The following ST6GAL2 variants were observed in gnomAD, a reference collection of about 807,000 sequenced individuals.
ST6GAL2 encodes the protein ST6 beta-galactoside alpha-2,6-sialyltransferase 2, also known as beta-galactoside alpha-2,6-sialyltransferase 2.
In ST6GAL2, 24 loss-of-function variants were observed where a neutral mutation model predicts 37.5. The ratio of observed to expected loss-of-function variants is 0.64; its 90% CI spans 0.46 to 0.90. The LOEUF is 0.90. Ranked by LOEUF, ST6GAL2 falls within the 40% of genes least tolerant of loss-of-function variation. The probability of loss-of-function intolerance (pLI) is 0.00; values close to 1 mark genes in which losing one functional copy is unlikely to be tolerated. For synonymous variants in ST6GAL2, 306 were observed against 295.1 expected (o/e 1.04, Z -0.38); for missense variants, 715 against 712.7 (o/e 1.00, Z -0.04).
At chr2:106,820,330 C>T (rs889195083) in intron 5 of ST6GAL2, among the ~76,000 whole-genome samples, 12 of 151,908 alleles carry the variant, frequency 7.9e-5, no homozygotes, top group Non-Finnish European at 1.5e-4. Flanking sequence ...GGTAGCTACA[C>T]TTGTATCAGA....
rs968110019 is a variant in ST6GAL2, at chr2:106,884,922, TATATATATATATACATAC to T, written c.-58+1153_-58+1170del. Among the ~76,000 whole-genome samples, 7 of 120,880 alleles carry T rather than the reference TATATATATATATACATAC, an allele frequency of 5.8e-5. 1 individual carries two copies. The highest frequency in any genetic ancestry group is 8.3e-5 in the Non-Finnish European group (5 of 60,190). 79.3% of individuals were successfully genotyped at this position (120,880 alleles called of 152,430 possible). A position where few individuals can be genotyped will look rare whatever the true frequency, so the allele number is the denominator to read the frequency against. On this transcript the variant is annotated intron_variant, in intron 1 of 5. Transcript: ENST00000409382. ...TTTGCAGCGCATATATATATATATA[TATATATATATATACATAC>T]ACACACACACATATATACATATGTG...
intron 1 of ST6GAL2, among the ~76,000 whole-genome samples, chr2:106,878,892 C>T (rs758923966): frequency 4.6e-5 from 7 of 152,096 alleles, no homozygotes; most frequent in Non-Finnish European, 7.4e-5. Flanking sequence ...TGAGCTAATT[C>T]GGGCAATTGA....
chr2:106,850,992 A>T (rs887467644), intron 1 of ST6GAL2, among the ~76,000 whole-genome samples: 1 of 152,150 alleles, frequency 6.6e-6, no homozygotes, highest in Admixed American at 6.5e-5. Context: ...TGCTTTGTCT[A>T]CGATGGTTTA....
In ST6GAL2 at chr2:106,832,696, G is replaced by A. The variant is rs750082771; in HGVS notation, c.1042-30C>T. On this transcript the variant is annotated intron_variant, in intron 3 of 5. Coordinates refer to ENST00000409382, the MANE Select transcript of ST6GAL2 (RefSeq NM_001142351.2). ...AAACACACAGAAAAACCATTTCAAA[G>A]CCAGGGTTTGGTTTTTAAAAATTGC... 4 of 1,432,244 alleles carry A rather than the reference G, an allele frequency of 2.8e-6. No individual in the cohort carries two copies. The African/African-American group carries it at 4.2e-5, about 15-fold the overall frequency. The allele number at this position is 1,432,244 out of a possible 1,614,324, so 88.7% of individuals were successfully genotyped here.
At chr2:106,835,233 C>A (rs181256060) in intron 2 of ST6GAL2, among the ~76,000 whole-genome samples, 1 of 152,300 alleles carries the variant, frequency 6.6e-6, no homozygotes, top group Non-Finnish European at 1.5e-5. Context: ...AAGGACAGTG[C>A]CTGTCTGTGA....
intron 1 of ST6GAL2, among the ~76,000 whole-genome samples, chr2:106,867,707 C>T (rs1180564634): frequency 2.0e-5 from 3 of 152,020 alleles, no homozygotes; most frequent in Admixed American, 6.6e-5. Flanking sequence ...CACCCCCAGC[C>T]CGACCCCCGC....
At chr2:106,852,625 G>C (rs1189788744) in intron 1 of ST6GAL2, among the ~76,000 whole-genome samples, 1 of 152,196 alleles carries the variant, frequency 6.6e-6, no homozygotes, top group Non-Finnish European at 1.5e-5. Context: ...GAAAATAAGT[G>C]GGGGGAATGT....
chr2:106,846,476 C>G (rs1677149439), intron 1 of ST6GAL2, among the ~76,000 whole-genome samples: 1 of 152,000 alleles, frequency 6.6e-6, no homozygotes, highest in African/African-American at 2.4e-5. Context: ...TTCCAGAAAT[C>G]ATCAGTAACA....
intron 2 of ST6GAL2, 80 bp from the exon 3 acceptor site, chr2:106,834,226 T>G (rs776635323): frequency 1.1e-6 from 1 of 939,220 alleles, no homozygotes; most frequent in Non-Finnish European, 1.7e-6. Context: ...AAGCAAATCT[T>G]TCAATACCTG....
chr2:106,843,148 C>T lies in ST6GAL2; in HGVS notation c.830G>A (p.Arg277Gln). 6.4e-7 allele frequency: 1 copy of T among 1,561,646 alleles called. No homozygotes were observed. Among genetic ancestry groups the T allele is most frequent in the Admixed American group, 2.0e-5 (1 of 50,958 alleles). The part of the protein sequence containing the change: ...TEAPFSALGW[R>Q]RLVPAVPLSQ... ...CAGGGGCACGGCGGGCACCAGGCGC[C>T]GCCAGCCCAGCGCAGAAAAGGGCGC... Residue 277 changes from arginine to glutamine, a missense_variant, in exon 2 of 6, where the codon CGG becomes CAG. By Grantham distance (43) the Arg-to-Gln change is conservative. Transcript: ENST00000409382.
intron 4 of ST6GAL2, among the ~76,000 whole-genome samples, chr2:106,831,795 A>G (rs1676435878): frequency 6.6e-6 from 1 of 152,178 alleles, no homozygotes; most frequent in South Asian, 2.1e-4. Context: ...TCTTTCCCTG[A>G]CACTCATCTT....
At chr2:106,813,147 CTG>C (rs1199287534) in intron 5 of ST6GAL2, 1 of 1,229,892 alleles carries the variant, frequency 8.1e-7, no homozygotes, top group Non-Finnish European at 1.0e-6. Flanking sequence ...GAGTCTCACT[CTG>C]TCGTCCAGGC....
rs1325171589 is a variant in ST6GAL2 at position 106,804,433 on chromosome 2, G to A, written c.*2245C>T. ...GTCTGGAAGATCTAGAAAGATCCAA[G>A]GAGGGTAGGGAGTAATATTCATCCA... On this transcript the variant is annotated 3_prime_UTR_variant, in exon 6 of 6. Transcript: ENST00000409382. 3 of 152,184 alleles carry A rather than the reference G, an allele frequency of 2.0e-5. No homozygotes were observed. The highest frequency in any genetic ancestry group is 4.4e-5 in the Non-Finnish European group (3 of 68,048). The allele number at this position is 152,184 out of a possible 1,614,324, so 9.4% of individuals were successfully genotyped here. A position where few individuals can be genotyped will look rare whatever the true frequency, so the allele number is the denominator to read the frequency against.
intron 1 of ST6GAL2, among the ~76,000 whole-genome samples, chr2:106,872,532 C>T (rs1380533741): frequency 6.6e-6 from 1 of 152,178 alleles, no homozygotes; most frequent in Non-Finnish European, 1.5e-5. Flanking sequence ...CGAGAGGTCC[C>T]TGTGTCTAAC....
chr2:106,848,039 CTT>C (rs914706358), intron 1 of ST6GAL2, among the ~76,000 whole-genome samples: 68 of 149,654 alleles, frequency 4.5e-4, no homozygotes, highest in Non-Finnish European at 7.4e-4. Flanking sequence ...TTCTTTTTCT[CTT>C]TCTTTTTTTT....
At chr2:106,808,027 T>A (rs1183046685) in intron 5 of ST6GAL2, among the ~76,000 whole-genome samples, 2 of 152,232 alleles carry the variant, frequency 1.3e-5, no homozygotes, top group Admixed American at 6.5e-5. Flanking sequence ...ATCTCTTTTC[T>A]GAAAGGGATG....
chr2:106,846,351 G>A (rs1030188091), intron 1 of ST6GAL2, among the ~76,000 whole-genome samples: 21 of 152,160 alleles, frequency 1.4e-4, no homozygotes, highest in Admixed American at 7.9e-4. Flanking sequence ...AGGGGTACAT[G>A]TGCAGGTTTG....
At chr2:106,814,656 G>A (rs767638093) in intron 5 of ST6GAL2, among the ~76,000 whole-genome samples, 1 of 152,210 alleles carries the variant, frequency 6.6e-6, no homozygotes, top group Non-Finnish European at 1.5e-5. Context: ...CGGGGTGGGT[G>A]AGGCTGGTGC....
chr2:106,850,717 T>C (rs769284341), intron 1 of ST6GAL2, among the ~76,000 whole-genome samples: 1 of 152,232 alleles, frequency 6.6e-6, no homozygotes, highest in Non-Finnish European at 1.5e-5. Flanking sequence ...GTTACAGCCC[T>C]GGATCATCGT....
Sources: allele counts gnomAD v4.1 joint callset (sites outside exome capture counted in the v4.1 genomes callset), GRCh38; gene constraint gnomAD v4.1.1; transcripts MANE v1.5; gene names NCBI Gene and HGNC (gene_info 2026-07-23, HGNC 2026-07-21).